The following SGSM2 variants were observed in gnomAD, a reference collection of about 807,000 sequenced individuals.
SGSM2 encodes the protein RUN and TBC1 domain containing 1.
A neutral mutation model predicts 126.6 loss-of-function variants in SGSM2; 89 were observed. That is an observed-to-expected ratio of 0.70 (90% CI 0.59 to 0.84). SGSM2 has a LOEUF of 0.84. Ranked by LOEUF, SGSM2 falls within the 40% of genes least tolerant of loss-of-function variation. SGSM2 has a pLI of 0.00. For missense variants in SGSM2, 1,404 were observed against 1,416.6 expected, an observed-to-expected ratio of 0.99 and a Z score of 0.14; for synonymous variants, 614 against 574.3, an observed-to-expected ratio of 1.07 and a Z score of -0.99.
At chr17:2,338,053 T>G (rs1247064634) in intron 1 of SGSM2, among the ~76,000 whole-genome samples, 2 of 151,822 alleles carry the variant, frequency 1.3e-5, no homozygotes, top group African/African-American at 4.8e-5. Flanking sequence ...CGGGGATGGC[T>G]GGATCCGGAG....
chr17:2,372,534 G>C lies in SGSM2; in HGVS notation c.1788+46G>C, dbSNP rs770627644. ...GGGCCACAGGTCGAGGGGCTGGGGCGGGCAGGAGTGAGGGCTTCAGGGTAA... is the reference window on the plus strand; with the variant it reads ...GGGCCACAGGTCGAGGGGCTGGGGCCGGCAGGAGTGAGGGCTTCAGGGTAA... On this transcript the variant is annotated intron_variant, in intron 15 of 23. Transcript: ENST00000268989. The surrounding 1 kb of genome is among the most constrained non-coding windows in gnomAD (Gnocchi z 6.0). The C allele has an allele frequency of 6.3e-7, 1 of 1,583,220 alleles. No individual in the cohort carries two copies. Among genetic ancestry groups the C allele is most frequent in the Non-Finnish European group, 8.6e-7 (1 of 1,169,478 alleles).
chr17:2,362,703 C>G lies in SGSM2; in HGVS notation c.459-135C>G. 3 of 882,306 alleles carry G rather than the reference C, an allele frequency of 3.4e-6. No individual in the cohort carries two copies. Among genetic ancestry groups the G allele is most frequent in the South Asian group, 1.6e-5 (1 of 63,786 alleles). 54.7% of individuals were successfully genotyped at this position (882,306 alleles called of 1,614,324 possible). On this transcript the variant is annotated intron_variant, in intron 4 of 23. Coordinates refer to ENST00000268989, the MANE Select transcript of SGSM2 (RefSeq NM_014853.3). The surrounding 1 kb of genome is among the most constrained non-coding windows in gnomAD (Gnocchi z 4.9). ...GCCATACCAGGCACCTCACGAAGCCCAGTCCCTAAGGACTCACTGTTTCTT... is the reference window on the plus strand; with the variant it reads ...GCCATACCAGGCACCTCACGAAGCCGAGTCCCTAAGGACTCACTGTTTCTT...
Position 2,363,492 on chromosome 17 carries a change from G to C in SGSM2, c.700G>C (p.Ala234Pro). 2 of 1,613,452 alleles carry C rather than the reference G, an allele frequency of 1.2e-6. No homozygotes were observed. Among genetic ancestry groups the C allele is most frequent in the South Asian group, 2.2e-5 (2 of 91,082 alleles). The change falls in exon 7 of 24, where the codon GCG (alanine) becomes CCG (proline). Residue 234 changes from alanine (A) to proline (P), a missense_variant. Physicochemically the swap from Ala to Pro is conservative, Grantham distance 27 (BLOSUM62 -1). Coordinates refer to ENST00000268989, the MANE Select transcript of SGSM2 (RefSeq NM_014853.3). The surrounding 1 kb of genome is among the most constrained non-coding windows in gnomAD (Gnocchi z 4.2). ...CCGGAAACGGCACTCAAGCGGCAGC[G>C]CGTCGGAGGACAGGCTGGCTGCCTG... ...GIRKRHSSGS[A>P]SEDRLAACAR...
At chr17:2,375,246 A>C (rs1238396700) in intron 17 of SGSM2, 3 of 438,850 alleles carry the variant, frequency 6.8e-6, no homozygotes, top group Non-Finnish European at 1.2e-5. Flanking sequence ...CCACAGGAAG[A>C]CCTGGGGCTG....
chr17:2,358,205 G>T (rs1056036939), intron 2 of SGSM2, among the ~76,000 whole-genome samples: 1 of 152,218 alleles, frequency 6.6e-6, no homozygotes, highest in Non-Finnish European at 1.5e-5. Context: ...GTCAGAACGG[G>T]GGATAAGCTT....
At chr17:2,352,411 G>C (rs112271956) in intron 2 of SGSM2, among the ~76,000 whole-genome samples, 1 of 152,198 alleles carries the variant, frequency 6.6e-6, no homozygotes, top group Non-Finnish European at 1.5e-5. Context: ...CTCCCCTGTC[G>C]TGCAGATGGC....
Position 2,375,489 on chromosome 17 carries a change from C to A in SGSM2, c.2101-3C>A. 2 of 1,604,368 alleles carry A rather than the reference C, an allele frequency of 1.2e-6. No homozygotes were observed. The highest frequency in any genetic ancestry group is 1.7e-6 in the Non-Finnish European group (2 of 1,174,296). On this transcript the variant is annotated splice_polypyrimidine_tract_variant and splice_region_variant and intron_variant, in intron 17 of 23. Coordinates refer to ENST00000268989, the MANE Select transcript of SGSM2 (RefSeq NM_014853.3). ...GTGGAGCCGCCCTGTGTTCACCCCC[C>A]AGGTGTTTATCTCAGTGGATGATCT...
At chr17:2,379,235 T>C (rs755789743) in intron 23 of SGSM2, 32 bp downstream of exon 23, 1 of 1,610,990 alleles carries the variant, frequency 6.2e-7, no homozygotes, top group African/African-American at 1.3e-5. Context: ...CAGGCTGCCC[T>C]GAGCAGAGGT....
chr17:2,362,378 A>C lies in SGSM2; in HGVS notation c.458+108A>C. On this transcript the variant is annotated intron_variant, in intron 4 of 23. Coordinates refer to ENST00000268989, the MANE Select transcript of SGSM2 (RefSeq NM_014853.3). The surrounding 1 kb of genome is among the most constrained non-coding windows in gnomAD (Gnocchi z 4.9). ...CTGCAGGTGACCGCCCCGTTCCCCAAAAACTGCAGGTGACCGCCCCGTTCC... is the reference window on the plus strand; with the variant it reads ...CTGCAGGTGACCGCCCCGTTCCCCACAAACTGCAGGTGACCGCCCCGTTCC... The C allele has an allele frequency of 8.5e-7, 1 of 1,173,022 alleles. No individual in the cohort carries two copies. The highest frequency in any genetic ancestry group is 1.2e-6 in the Non-Finnish European group (1 of 843,628). 72.7% of individuals were successfully genotyped at this position (1,173,022 alleles called of 1,614,324 possible). A position where few individuals can be genotyped will look rare whatever the true frequency, so the allele number is the denominator to read the frequency against.
chr17:2,371,176 C>A, intron 12 of SGSM2, 86 bp from the exon 13 acceptor site: 1 of 1,417,200 alleles, frequency 7.1e-7, no homozygotes, highest in Non-Finnish European at 9.4e-7. Flanking sequence ...GATGCTGCAG[C>A]TCTGGGCACA....
Position 2,372,995 on chromosome 17 carries a change from G to T in SGSM2, c.1831G>T (p.Gly611Cys). The T allele has an allele frequency of 6.3e-7, 1 of 1,589,782 alleles. No individual in the cohort carries two copies. Among genetic ancestry groups the T allele is most frequent in the Non-Finnish European group, 8.6e-7 (1 of 1,167,722 alleles). The part of the protein sequence containing the change: ...LELLRQVYYG[G>C]IEHEIRKDVW... ...GCTGCTGCGGCAAGTTTACTACGGAGGCATAGAGCACGAGATCCGCAAGGA... is the reference window on the plus strand; with the variant it reads ...GCTGCTGCGGCAAGTTTACTACGGATGCATAGAGCACGAGATCCGCAAGGA... Residue 611 changes from glycine to cysteine, a missense_variant, in exon 16 of 24, where the codon GGC becomes TGC. Coordinates refer to ENST00000268989, the MANE Select transcript of SGSM2 (RefSeq NM_014853.3). The surrounding 1 kb of genome is among the most constrained non-coding windows in gnomAD (Gnocchi z 6.0).
chr17:2,370,965 G>T (rs761623228), intron 12 of SGSM2, among the ~76,000 whole-genome samples: 3 of 152,188 alleles, frequency 2.0e-5, no homozygotes, highest in Admixed American at 6.5e-5. Flanking sequence ...GCAAGTGCTT[G>T]CTGGTCGCAG....
chr17:2,362,088 G>A lies in SGSM2; in HGVS notation c.297-21G>A. On this transcript the variant is annotated intron_variant, in intron 3 of 23. Coordinates refer to ENST00000268989, the MANE Select transcript of SGSM2 (RefSeq NM_014853.3). The surrounding 1 kb of genome is among the most constrained non-coding windows in gnomAD (Gnocchi z 4.9). The stretch of plus-strand genomic sequence containing the variant: ...TTACCCCTAGACCACTGCACTCCTG[G>A]AGCCCTCCCCGCCTTTGCAGGAAAC... 3.1e-6 allele frequency: 5 copies of A among 1,603,612 alleles called. No homozygotes were observed. Among genetic ancestry groups the A allele is most frequent in the Non-Finnish European group, 4.3e-6 (5 of 1,176,176 alleles).
chr17:2,371,248 C>T lies in SGSM2; in HGVS notation c.1424-14C>T. The T allele has an allele frequency of 6.2e-7, 1 of 1,607,998 alleles. No homozygotes were observed. Among genetic ancestry groups the T allele is most frequent in the East Asian group, 2.2e-5 (1 of 44,616 alleles). On this transcript the variant is annotated splice_polypyrimidine_tract_variant and intron_variant, in intron 12 of 23. Coordinates refer to ENST00000268989, the MANE Select transcript of SGSM2 (RefSeq NM_014853.3). ...TGTCTCAGGCCCTGACCATGCCACCCTTCCTGCCCGCAGACGCTGGTGACA... is the reference window on the plus strand; with the variant it reads ...TGTCTCAGGCCCTGACCATGCCACCTTTCCTGCCCGCAGACGCTGGTGACA...
chr17:2,375,617 C>T lies in SGSM2; in HGVS notation c.2226C>T (p.Ser742=), dbSNP rs180939485. ...CCGCCGTGGTGGAGCAGCAGCATTC[C>T]GTGGAGTTCGACTCTCCAGACTCAG... The part of the protein sequence containing the change: ...PGTAVVEQQH[S]VEFDSPDSGL... Residue 742 remains serine (S), a synonymous_variant, in exon 18 of 24, where the codon TCC becomes TCT. Transcript: ENST00000268989. 4.6e-5 allele frequency: 75 copies of T among 1,614,016 alleles called. No homozygotes were observed. Among genetic ancestry groups the T allele is most frequent in the Non-Finnish European group, 6.0e-5 (71 of 1,180,038 alleles).
chr17:2,346,059 C>T (rs1352722925), intron 2 of SGSM2, among the ~76,000 whole-genome samples: 1 of 152,150 alleles, frequency 6.6e-6, no homozygotes, highest in Admixed American at 6.5e-5. Context: ...GCCAGTCTCC[C>T]TCAGTCCCTG....
chr17:2,369,694 CT>C (rs1363160999), intron 12 of SGSM2, among the ~76,000 whole-genome samples: 1 of 151,956 alleles, frequency 6.6e-6, no homozygotes, highest in Non-Finnish European at 1.5e-5. Flanking sequence ...GCCCTCACCC[CT>C]GTTGCCCTCC....
At chr17:2,338,504 C>T (rs2064190633) in intron 1 of SGSM2, among the ~76,000 whole-genome samples, 1 of 152,106 alleles carries the variant, frequency 6.6e-6, no homozygotes, top group African/African-American at 2.4e-5. Context: ...CTCCAACCCA[C>T]AGCGCAGCTT....
At position 2,365,336 on chromosome 17, in the gene SGSM2, A is replaced by C; in HGVS notation, c.1283A>C (p.Glu428Ala). Reference protein sequence around the residue: ...FRIIYPGHRHEHITINYHHLA... With the variant: ...FRIIYPGHRHAHITINYHHLA... ...ATCATCTACCCCGGCCACAGGCACG[A>C]GCACAGTGAGTGTCCCGAGCTTCAT... The change falls in exon 11 of 24, where the codon GAG becomes GCG. Residue 428 changes from glutamate to alanine, a missense_variant. Coordinates refer to ENST00000268989, the MANE Select transcript of SGSM2 (RefSeq NM_014853.3). The C allele has an allele frequency of 3.9e-6, 6 of 1,554,936 alleles. No individual in the cohort carries two copies. The highest frequency in any genetic ancestry group is 5.2e-6 in the Non-Finnish European group (6 of 1,147,468).
Sources: gnomAD v4.1 joint callset for allele counts (sites outside exome capture counted in the v4.1 genomes callset) on GRCh38, gnomAD v4.1.1 for gene constraint, Gnocchi (gnomAD v3.1) non-coding constraint, MANE v1.5 for transcripts, NCBI Gene and HGNC (gene_info 2026-07-23, HGNC 2026-07-21) for gene names.